DOP1A: variants seen among roughly 807,000 people sequenced by gnomAD.
The protein encoded by DOP1A is protein DOP1A.
DOP1A carries 90 observed loss-of-function variants against 267.6 expected under a neutral mutation model. The observed-to-expected ratio is 0.34, with a 90% confidence interval of 0.28 to 0.40. DOP1A has a LOEUF of 0.40. DOP1A is among the 10% of genes least tolerant of loss of function. The pLI, the probability that DOP1A is intolerant of heterozygous loss-of-function variation, is 1.00. For synonymous variants in DOP1A, 932 were observed against 999.1 expected (o/e 0.93, Z 1.27); for missense variants, 2,437 against 2,900.4 (o/e 0.84, Z 3.67).
At chr6:83,132,406 CT>C (rs1778210372) in intron 18 of DOP1A, 78 bp downstream of exon 18, 1 of 1,415,888 alleles carries the variant, frequency 7.1e-7, no homozygotes, top group Admixed American at 2.1e-5. Flanking sequence ...AGTAAGAAAA[CT>C]TTAGGGAAAT....
intron 38 of DOP1A, among the ~76,000 whole-genome samples, chr6:83,163,232 C>T (rs906338947): frequency 1.3e-5 from 2 of 152,024 alleles, no homozygotes; most frequent in African/African-American, 4.8e-5. Flanking sequence ...TGGAACCATA[C>T]ATGTGAGTAT....
At chr6:83,087,448 C>T (rs761296634) in intron 1 of DOP1A, among the ~76,000 whole-genome samples, 3 of 151,978 alleles carry the variant, frequency 2.0e-5, no homozygotes, top group Non-Finnish European at 4.4e-5. Context: ...TGAGTTTAAC[C>T]AGGATTGGAG....
downstream of DOP1A, chr6:83,170,886 C>G (rs1786948772): frequency 6.3e-6 from 1 of 159,934 alleles, no homozygotes; most frequent in African/African-American, 2.4e-5. Context: ...AATTGTCTTT[C>G]ACAAATTCTG....
At chr6:83,101,050 C>T (rs1159063462) in intron 4 of DOP1A, among the ~76,000 whole-genome samples, 164 bp downstream of exon 4, 1 of 152,174 alleles carries the variant, frequency 6.6e-6, no homozygotes, top group Non-Finnish European at 1.5e-5. Context: ...GAGTCTTGCT[C>T]TGTCACCCAG....
intron 6 of DOP1A, 44 bp from the exon 7 acceptor site, chr6:83,113,279 C>G: frequency 6.7e-7 from 1 of 1,489,914 alleles, no homozygotes; most frequent in Non-Finnish European, 9.2e-7. Context: ...GCAAAAATGT[C>G]TCAGCATAAT....
intron 27 of DOP1A, among the ~76,000 whole-genome samples, chr6:83,149,976 T>C (rs1165258983): frequency 6.6e-6 from 1 of 152,174 alleles, no homozygotes; most frequent in Non-Finnish European, 1.5e-5. Flanking sequence ...AGTTATCTGA[T>C]GATTTTGGAG....
In DOP1A at chr6:83,138,839, T is replaced by A. The variant is rs560426467; in HGVS notation, c.4797T>A (p.Ile1599=). The stretch of plus-strand genomic sequence containing the variant: ...TTCTAGAACACAGAGTAATGACTAT[T>A]CCTGAAGAGAATGAAACAGGTTTTG... ...LIVLEHRVMT[I]PEENETGFDF... The change falls in exon 21 of 39, where the codon ATT becomes ATA. Residue 1599 remains isoleucine (I), a synonymous_variant. Transcript: ENST00000349129. 1.3e-4 allele frequency: 204 copies of A among 1,614,034 alleles called. 2 individuals are homozygous for A. In the South Asian group the frequency reaches 2.1e-3, roughly 17 times the overall value.
chr6:83,112,290 G>T (rs1051252902), intron 6 of DOP1A, among the ~76,000 whole-genome samples: 1 of 151,770 alleles, frequency 6.6e-6, no homozygotes, highest in East Asian at 1.9e-4. Context: ...ATAAAGAGAT[G>T]ATCAACATTG....
At chr6:83,128,407 T>C (rs536328383) in intron 15 of DOP1A, among the ~76,000 whole-genome samples, 1 of 152,268 alleles carries the variant, frequency 6.6e-6, no homozygotes, top group East Asian at 1.9e-4. Context: ...ATGATAGGAG[T>C]TCAGTAACTA....
chr6:83,084,377 A>G (rs952798610), intron 1 of DOP1A, among the ~76,000 whole-genome samples: 2 of 152,180 alleles, frequency 1.3e-5, no homozygotes, highest in Admixed American at 6.5e-5. Context: ...AGCATGTTCT[A>G]TGAATGTTCA....
rs772697943 is a variant in DOP1A at position 83,159,885 on chromosome 6, A to G, written c.6887A>G (p.Asn2296Ser). The change falls in exon 37 of 39, where the codon AAC becomes AGC. Residue 2296 changes from asparagine to serine, a missense_variant. Physicochemically the swap from Asn to Ser is conservative, Grantham distance 46. Transcript: ENST00000349129. ...STSYNSQRWL[N>S]LYLSACKFLD... ...TCATATAACAGCCAGCGGTGGTTAA[A>G]CCTCTATCTCTCTGCTTGCAAATTT... is the stretch of plus-strand genomic sequence containing the variant. The G allele has an allele frequency of 1.9e-6, 3 of 1,613,874 alleles. No individual in the cohort carries two copies. In the African/African-American group the frequency reaches 4.0e-5, roughly 22 times the overall value.
In DOP1A at chr6:83,076,987, C is replaced by T. The variant is rs559888065; in HGVS notation, c.-147+9208C>T. ...CTATAACATGGATGAATCTTGAGGA[C>T]ATTATGCTGAGTGAAATAAGCCAGT... On this transcript the variant is annotated intron_variant, in intron 1 of 38. Transcript: ENST00000349129. 5.9e-5 allele frequency among the ~76,000 whole-genome samples: 9 copies of T among 152,304 alleles called. No individual in the cohort carries two copies. In the South Asian group the frequency reaches 1.9e-3, roughly 32 times the overall value.
In DOP1A at chr6:83,148,856, A is replaced by T. The variant is rs1781042028; in HGVS notation, c.5830A>T (p.Ile1944Leu). 3 of 1,523,058 alleles carry T rather than the reference A, an allele frequency of 2.0e-6. No homozygotes were observed. In the South Asian group the frequency reaches 4.0e-5, roughly 20 times the overall value. The allele number at this position is 1,523,058 out of a possible 1,614,324, so 94.3% of individuals were successfully genotyped here. The part of the protein sequence containing the change: ...LSLPAPGQFL[I>L]LGVLNEFIMK... ...TCTTCCAGCTCCAGGGCAGTTTCTT[A>T]TACTTGGGTAAGCAATTTCACTTAA... Residue 1944 changes from isoleucine to leucine, a missense_variant, in exon 27 of 39, where the codon ATA (isoleucine) becomes TTA (leucine). Physicochemically the swap from Ile to Leu is conservative, Grantham distance 5. This residue lies in a region of DOP1A where 216 missense variants were observed against 283.3 expected (regional missense o/e 0.76). Transcript: ENST00000349129.
chr6:83,155,120 A>C (rs1782512096), intron 33 of DOP1A, among the ~76,000 whole-genome samples: 2 of 152,144 alleles, frequency 1.3e-5, no homozygotes, highest in South Asian at 4.1e-4. Context: ...AAAGAAGCCA[A>C]CCATGAGAAG....
intron 24 of DOP1A, among the ~76,000 whole-genome samples, chr6:83,142,941 A>AT (rs1479246291): frequency 2.0e-5 from 3 of 152,210 alleles, no homozygotes; most frequent in Non-Finnish European, 2.9e-5. Flanking sequence ...AAAATATATG[A>AT]TTTTTTCCAC....
chr6:83,069,257 A>C (rs1468968096), intron 1 of DOP1A, among the ~76,000 whole-genome samples: 1 of 152,182 alleles, frequency 6.6e-6, no homozygotes, highest in African/African-American at 2.4e-5. Flanking sequence ...AAACCATTTA[A>C]TAGGCTTACT....
rs540064118 is a variant in DOP1A at position 83,100,943 on chromosome 6, C to T, written c.320+57C>T. ...AATATAAAGAAAATGTATTGCTAAA[C>T]TATTTTATACTTTCTGCACTAAAAA... On this transcript the variant is annotated intron_variant, in intron 4 of 38. Coordinates refer to ENST00000349129, the MANE Select transcript of DOP1A (RefSeq NM_015018.4). 8 of 1,129,326 alleles carry T rather than the reference C, an allele frequency of 7.1e-6. No homozygotes were observed. In the South Asian group the frequency reaches 1.0e-4, roughly 14 times the overall value. 70.0% of individuals were successfully genotyped at this position (1,129,326 alleles called of 1,614,324 possible).
chr6:83,165,679 AGTGGTAGTTTGTTGGCAAGAG>A, intron 38 of DOP1A: 1 of 213,244 alleles, frequency 4.7e-6, no homozygotes, highest in Non-Finnish European at 1.0e-5. Flanking sequence ...TGCCTAAAGA[AGTGGTAGTTTGTTGGCAAGAG>A]GTCAGGTGAA....
chr6:83,095,761 A>G (rs1771365000), intron 1 of DOP1A, among the ~76,000 whole-genome samples: 1 of 152,188 alleles, frequency 6.6e-6, no homozygotes, highest in Non-Finnish European at 1.5e-5. Flanking sequence ...TATAGTCAGG[A>G]TGCCAGTTGG....
Sources: allele counts gnomAD v4.1 joint callset (sites outside exome capture counted in the v4.1 genomes callset), GRCh38; gene constraint gnomAD v4.1.1; regional missense constraint gnomAD v4.1.1; transcripts MANE v1.5; gene names NCBI Gene and HGNC (gene_info 2026-07-23, HGNC 2026-07-21).